The following COL4A2 variants were observed in gnomAD, a reference collection of about 807,000 sequenced individuals.
COL4A2 encodes the protein collagen alpha-2(IV) chain.
Under a neutral mutation model 200.2 loss-of-function variants are expected in COL4A2, and 99 were observed. That is an observed-to-expected ratio of 0.49 (90% CI 0.42 to 0.58). The LOEUF (loss-of-function observed/expected upper bound fraction) is 0.58. Among genes scored for constraint, COL4A2 ranks in the 20% least tolerant of loss-of-function variants. COL4A2 has a pLI of 0.00. For synonymous variants in COL4A2, 897 were observed against 900.6 expected, an observed-to-expected ratio of 1.00 and a Z score of 0.07; for missense variants, 1,950 against 2,314.1, an observed-to-expected ratio of 0.84 and a Z score of 3.23.
chr13:110,457,703 T>C (rs553606254), intron 21 of COL4A2: 1 of 615,840 alleles, frequency 1.6e-6, no homozygotes, highest in Non-Finnish European at 3.1e-6. Context: ...GCAGTGAGCC[T>C]GATGCTGAGT....
chr13:110,399,112 A>G (rs1879283724), intron 4 of COL4A2, among the ~76,000 whole-genome samples: 1 of 152,212 alleles, frequency 6.6e-6, no homozygotes, highest in Admixed American at 6.5e-5. Flanking sequence ...GAAGCAGGTC[A>G]AAGGAATGAA....
chr13:110,506,273 TC>T, intron 45 of COL4A2, 141 bp from the exon 46 acceptor site: 2 of 890,128 alleles, frequency 2.2e-6, no homozygotes, highest in Admixed American at 2.9e-5. Flanking sequence ...TCTCTCTCTC[TC>T]TCTCTCGGGC....
Position 110,506,449 on chromosome 13 carries a change from G to T in COL4A2, c.4437G>T (p.Pro1479=). The T allele has an allele frequency of 6.2e-7, 1 of 1,612,444 alleles. No homozygotes were observed. Among genetic ancestry groups the T allele is most frequent in the South Asian group, 1.1e-5 (1 of 90,858 alleles). ...APGRPGSPGL[P]GMPGRSVSIG... is the part of the protein sequence containing the mutation. ...GCCGTCCAGGGAGCCCGGGCCTGCC[G>T]GGTATGCCAGGCCGCAGCGTCAGCA... Residue 1479 remains proline, a synonymous_variant, in exon 46 of 48, where the codon CCG becomes CCT. Coordinates refer to ENST00000360467, the MANE Select transcript of COL4A2 (RefSeq NM_001846.4).
In COL4A2 at chr13:110,492,021, C is replaced by T. The variant is rs544382866; in HGVS notation, c.3455-49C>T. 55 of 1,492,608 alleles carry T rather than the reference C, an allele frequency of 3.7e-5. No individual in the cohort carries two copies. In the East Asian group the frequency reaches 1.1e-3, roughly 31 times the overall value. The allele number at this position is 1,492,608 out of a possible 1,614,324, so 92.5% of individuals were successfully genotyped here. On this transcript the variant is annotated intron_variant, in intron 37 of 47. Coordinates refer to ENST00000360467, the MANE Select transcript of COL4A2 (RefSeq NM_001846.4). The stretch of plus-strand genomic sequence containing the variant: ...CTCCTGCCAGGACCTCACCACACAG[C>T]GCCCAAGGTGTCCTGTGTGCTCAGA...
At chr13:110,486,774 G>A (rs895860062) in intron 34 of COL4A2, among the ~76,000 whole-genome samples, 4 of 152,076 alleles carry the variant, frequency 2.6e-5, no homozygotes, top group African/African-American at 7.2e-5. Context: ...GTTCTCTGGC[G>A]GGCAGGAGTG....
intron 22 of COL4A2, 161 bp downstream of exon 22, chr13:110,459,095 C>T (rs990013790): frequency 1.5e-5 from 10 of 665,668 alleles, no homozygotes; most frequent in African/African-American, 3.8e-5. Context: ...TACCCCAAGG[C>T]GGACTTTCTA....
chr13:110,493,905 C>T (rs1047007146), intron 39 of COL4A2, among the ~76,000 whole-genome samples: 2 of 152,136 alleles, frequency 1.3e-5, no homozygotes, highest in South Asian at 2.1e-4. Context: ...AGGGCAGTAA[C>T]CCCATCTTGG....
At chr13:110,368,293 C>G (rs1214726847) in intron 4 of COL4A2, among the ~76,000 whole-genome samples, 2 of 152,152 alleles carry the variant, frequency 1.3e-5, no homozygotes, top group African/African-American at 2.4e-5. Context: ...ACAAAGGCCT[C>G]AAGTCATTAA....
intron 4 of COL4A2, among the ~76,000 whole-genome samples, chr13:110,407,359 G>A (rs1393797624): frequency 2.0e-5 from 3 of 152,206 alleles, no homozygotes; most frequent in African/African-American, 4.8e-5. Flanking sequence ...CGAGGAGAGC[G>A]TCACACAGTT....
At chr13:110,327,796 G>A (rs1180826071) in intron 3 of COL4A2, among the ~76,000 whole-genome samples, 1 of 152,178 alleles carries the variant, frequency 6.6e-6, no homozygotes, top group African/African-American at 2.4e-5. Flanking sequence ...CAGTTGTCCT[G>A]GGTGAAGTCT....
At chr13:110,351,030 T>A (rs1407120836) in intron 3 of COL4A2, among the ~76,000 whole-genome samples, 1 of 152,130 alleles carries the variant, frequency 6.6e-6, no homozygotes, top group Non-Finnish European at 1.5e-5. Flanking sequence ...GCTCTCTCTC[T>A]TGTTTCTTTC....
intron 3 of COL4A2, among the ~76,000 whole-genome samples, chr13:110,320,958 A>G (rs922612495): frequency 1.1e-4 from 16 of 152,176 alleles, no homozygotes; most frequent in African/African-American, 3.9e-4. Flanking sequence ...GGCTTTTCTT[A>G]GTCTTTCACA....
intron 17 of COL4A2, among the ~76,000 whole-genome samples, chr13:110,446,501 T>C (rs1881330626): frequency 6.6e-6 from 1 of 152,142 alleles, no homozygotes; most frequent in Non-Finnish European, 1.5e-5. Flanking sequence ...ACCCAAAATG[T>C]AATAGTCTGA....
chr13:110,402,085 T>C (rs140096189), intron 4 of COL4A2, among the ~76,000 whole-genome samples: 1 of 152,332 alleles, frequency 6.6e-6, no homozygotes, highest in East Asian at 1.9e-4. Flanking sequence ...TTTATATCCT[T>C]CTCACATGCA....
At chr13:110,435,084 C>A (rs560135677) in intron 12 of COL4A2, among the ~76,000 whole-genome samples, 1 of 152,350 alleles carries the variant, frequency 6.6e-6, no homozygotes, top group South Asian at 2.1e-4. Context: ...TGGAACATTT[C>A]TATTTTGTTT....
At chr13:110,447,207 C>G (rs9521764) in intron 18 of COL4A2, among the ~76,000 whole-genome samples, 57,543 of 152,016 alleles carry the variant, frequency 0.38, 11,407 homozygotes, top group Middle Eastern at 0.53. Context: ...CTGAAGATAT[C>G]CAGGGCAGCA....
At chr13:110,349,693 T>C (rs186780630) in intron 3 of COL4A2, among the ~76,000 whole-genome samples, 136 of 152,334 alleles carry the variant, frequency 8.9e-4, no homozygotes, top group Middle Eastern at 3.4e-3. Flanking sequence ...CCAAGGAATC[T>C]AGATTGTGCA....
In COL4A2 at chr13:110,480,890, T is replaced by TTCTGTCCC. The variant is rs1945597561; in HGVS notation, c.2758+507_2758+508insCTCTGTCC. On this transcript the variant is annotated intron_variant, in intron 31 of 47. Coordinates refer to ENST00000360467, the MANE Select transcript of COL4A2 (RefSeq NM_001846.4). Reference sequence around the variant, plus strand: ...TTCTTCCATTGCTGGAGACACACAGTTCTGTCCTTCCATTGCTGGAGACAC... The same window carrying TTCTGTCCC: ...TTCTTCCATTGCTGGAGACACACAGTTCTGTCCCTCTGTCCTTCCATTGCTGGAGACAC... Among the ~76,000 whole-genome samples, 11 of 151,066 alleles carry TTCTGTCCC rather than the reference T, an allele frequency of 7.3e-5. No homozygotes were observed. In the South Asian group the frequency reaches 2.3e-3, roughly 32 times the overall value.
At chr13:110,444,459 T>C (rs1350306589) in intron 16 of COL4A2, among the ~76,000 whole-genome samples, 1 of 152,196 alleles carries the variant, frequency 6.6e-6, no homozygotes. Flanking sequence ...CAGGACCTCA[T>C]TTTTAAAATC....
Sources: allele counts gnomAD v4.1 joint callset (sites outside exome capture counted in the v4.1 genomes callset), GRCh38; gene constraint gnomAD v4.1.1; transcripts MANE v1.5; gene names NCBI Gene and HGNC (gene_info 2026-07-23, HGNC 2026-07-21).